GDPD1: variants seen among roughly 807,000 people sequenced by gnomAD.
GDPD1 encodes glycerophosphodiester phosphodiesterase domain containing 1.
Under a neutral mutation model 45.1 loss-of-function variants are expected in GDPD1, and 28 were observed. That is an observed-to-expected ratio of 0.62 (90% CI 0.46 to 0.85). The LOEUF is 0.85. GDPD1 is among the 40% of genes least tolerant of loss of function. The pLI is 0.00. For missense variants in GDPD1, 256 were observed against 364.8 expected, an observed-to-expected ratio of 0.70 and a Z score of 2.43; for synonymous variants, 139 against 131.4, an observed-to-expected ratio of 1.06 and a Z score of -0.40.
At chr17:59,230,676 C>T (rs2047082638) in intron 1 of GDPD1, among the ~76,000 whole-genome samples, 1 of 152,000 alleles carries the variant, frequency 6.6e-6, no homozygotes, top group Non-Finnish European at 1.5e-5. Context: ...GCCACCATGC[C>T]CGGCCCAGTT....
At chr17:59,257,428 G>A (rs531563585) in intron 5 of GDPD1, among the ~76,000 whole-genome samples, 188 bp downstream of exon 5, 1 of 152,168 alleles carries the variant, frequency 6.6e-6, no homozygotes, top group Non-Finnish European at 1.5e-5. Context: ...TTTTCAGAGA[G>A]AGTTGGCATG....
At chr17:59,246,709 C>CAAAAAAAA (rs749077536) in intron 3 of GDPD1, among the ~76,000 whole-genome samples, 12 of 27,534 alleles carry the variant, frequency 4.4e-4, no homozygotes, top group African/African-American at 1.4e-3. Flanking sequence ...GACTCCATCT[C>CAAAAAAAA]AAAAAAAAAA....
chr17:59,265,004 C>A (rs979919203), intron 6 of GDPD1, among the ~76,000 whole-genome samples: 39 of 151,824 alleles, frequency 2.6e-4, no homozygotes, highest in African/African-American at 9.2e-4. Context: ...CCACGCCCGG[C>A]TAATTTTTGT....
chr17:59,271,111 G>A, intron 8 of GDPD1, 116 bp downstream of exon 8: 2 of 608,590 alleles, frequency 3.3e-6, no homozygotes, highest in Non-Finnish European at 5.9e-6. Flanking sequence ...GACAAATTGA[G>A]CACCTGCTAT....
chr17:59,274,763 G>A lies in GDPD1; in HGVS notation c.*990G>A, dbSNP rs1209355377. ...ACTGCACTCCAGCCTGGGCTACAGA[G>A]CAAGACTCCGTCTCAAAAAAAGAAA... On this transcript the variant is annotated 3_prime_UTR_variant, in exon 10 of 10. Transcript: ENST00000284116. 2.0e-5 allele frequency among the ~76,000 whole-genome samples: 3 copies of A among 150,702 alleles called. No homozygotes were observed. The highest frequency in any genetic ancestry group is 6.6e-5 in the Admixed American group (1 of 15,118).
Position 59,255,833 on chromosome 17 carries a change from ATATATATATATATATATACACACG to A in GDPD1, c.368-1265_368-1242del, listed in dbSNP as rs1274097014. The stretch of plus-strand genomic sequence containing the variant: ...TATACGCGTATATATATATACGCGT[ATATATATATATATATATACACACG>A]TATATATATATATATATACACACAC... On this transcript the variant is annotated intron_variant, in intron 4 of 9. Transcript: ENST00000284116. Among the ~76,000 whole-genome samples the A allele has an allele frequency of 1.8e-3, 40 of 22,114 alleles. 1 individual carries two copies. Among genetic ancestry groups the A allele is most frequent in the East Asian group, 0.014 (26 of 1,886 alleles). The allele number at this position is 22,114 out of a possible 152,430, so 14.5% of individuals were successfully genotyped here.
At chr17:59,268,303 G>A (rs914835119) in intron 7 of GDPD1, among the ~76,000 whole-genome samples, 4 of 151,994 alleles carry the variant, frequency 2.6e-5, no homozygotes, top group Non-Finnish European at 5.9e-5. Flanking sequence ...ATGGCCGGGC[G>A]CGGTGGCTCA....
intron 3 of GDPD1, among the ~76,000 whole-genome samples, chr17:59,246,708 T>C (rs1290621159): frequency 9.8e-5 from 1 of 10,216 alleles, no homozygotes; most frequent in Non-Finnish European, 1.4e-4. Flanking sequence ...AGACTCCATC[T>C]CAAAAAAAAA....
chr17:59,256,600 G>A (rs1051564051), intron 4 of GDPD1, among the ~76,000 whole-genome samples: 4 of 152,110 alleles, frequency 2.6e-5, no homozygotes, highest in African/African-American at 4.8e-5. Context: ...ATAAATTATT[G>A]TATAGCTACT....
chr17:59,251,003 G>A (rs1329746216), intron 4 of GDPD1, among the ~76,000 whole-genome samples: 1 of 152,070 alleles, frequency 6.6e-6, no homozygotes, highest in African/African-American at 2.4e-5. Context: ...ACCACACCTG[G>A]CCAATTTTTG....
chr17:59,236,953 A>G (rs979368256), intron 2 of GDPD1, among the ~76,000 whole-genome samples: 5 of 152,206 alleles, frequency 3.3e-5, no homozygotes, highest in Admixed American at 6.6e-5. Flanking sequence ...GTTACACATT[A>G]GTGCCCTTGC....
chr17:59,258,655 C>T (rs1430527053), intron 6 of GDPD1, among the ~76,000 whole-genome samples: 1 of 152,108 alleles, frequency 6.6e-6, no homozygotes, highest in Non-Finnish European at 1.5e-5. Context: ...TGGATTTGAA[C>T]CTAGCAATAT....
At chr17:59,235,464 C>A (rs2047124377) in intron 2 of GDPD1, among the ~76,000 whole-genome samples, 1 of 152,126 alleles carries the variant, frequency 6.6e-6, no homozygotes, top group East Asian at 1.9e-4. Context: ...TCTTACTCTT[C>A]TTGTTCTATA....
chr17:59,242,195 T>A (rs1415589766), intron 2 of GDPD1, among the ~76,000 whole-genome samples: 1 of 152,142 alleles, frequency 6.6e-6, no homozygotes, highest in African/African-American at 2.4e-5. Flanking sequence ...TCCGAGTAGC[T>A]GGGATTACAG....
chr17:59,267,323 A>G, intron 7 of GDPD1, 149 bp downstream of exon 7: 1 of 669,726 alleles, frequency 1.5e-6, no homozygotes. Context: ...GCATTTTTAT[A>G]TAATTAAGAC....
intron 8 of GDPD1, among the ~76,000 whole-genome samples, chr17:59,272,445 T>C (rs1410752307): frequency 6.6e-6 from 1 of 152,184 alleles, no homozygotes; most frequent in Non-Finnish European, 1.5e-5. Context: ...CACACATTAA[T>C]AGTAAGAAAG....
At chr17:59,222,308 G>A (rs1204724405) in intron 1 of GDPD1, among the ~76,000 whole-genome samples, 1 of 151,868 alleles carries the variant, frequency 6.6e-6, no homozygotes, top group East Asian at 1.9e-4. Flanking sequence ...CCGGGTTCAC[G>A]CCATTCTCCT....
At chr17:59,224,641 AAAAAAC>A (rs557444576) in intron 1 of GDPD1, among the ~76,000 whole-genome samples, 13,789 of 147,998 alleles carry the variant, frequency 0.093, 791 homozygotes, top group Non-Finnish European at 0.14. Context: ...AAAAAAAAAC[AAAAAAC>A]AAAAACAAAA....
intron 2 of GDPD1, among the ~76,000 whole-genome samples, chr17:59,235,050 C>T (rs956475099): frequency 2.6e-5 from 4 of 151,258 alleles, no homozygotes; most frequent in African/African-American, 9.7e-5. Context: ...TAGAGCACCT[C>T]ACAGAGAAGC....
Sources: gnomAD v4.1 joint callset for allele counts (sites outside exome capture counted in the v4.1 genomes callset) on GRCh38, gnomAD v4.1.1 for gene constraint, MANE v1.5 for transcripts, NCBI Gene and HGNC (gene_info 2026-07-23, HGNC 2026-07-21) for gene names.